DIP2B: variants seen among roughly 807,000 people sequenced by gnomAD.
DIP2B encodes the protein DIP2 acetate--CoA ligase B (putative).
DIP2B carries 76 observed loss-of-function variants against 198.0 expected under a neutral mutation model. The ratio of observed to expected loss-of-function variants is 0.38; its 90% confidence interval spans 0.32 to 0.46. DIP2B has a LOEUF of 0.46. Among genes scored for constraint, DIP2B ranks in the 20% least tolerant of loss-of-function variants. DIP2B has a pLI of 0.99. For missense variants in DIP2B, 1,559 were observed against 1,978.4 expected (o/e 0.79, Z 4.02); for synonymous variants, 701 against 739.1 (o/e 0.95, Z 0.84).
At chr12:50,633,981 A>G (rs746431179) in intron 2 of DIP2B, among the ~76,000 whole-genome samples, 9 of 152,196 alleles carry the variant, frequency 5.9e-5, no homozygotes, top group Non-Finnish European at 1.3e-4. Context: ...TTATAAGATT[A>G]AAGATGAAAA....
At chr12:50,549,168 T>C (rs1265972868) in intron 1 of DIP2B, among the ~76,000 whole-genome samples, 1 of 147,746 alleles carries the variant, frequency 6.8e-6, no homozygotes, top group Non-Finnish European at 1.5e-5. Flanking sequence ...TGGGGGCTGG[T>C]TTAAAAAAAA....
intron 1 of DIP2B, among the ~76,000 whole-genome samples, chr12:50,526,626 CTTTTTTTTTT>C (rs11423846): frequency 2.3e-3 from 147 of 64,196 alleles, no homozygotes; most frequent in African/African-American, 8.7e-3. Flanking sequence ...TTTCCTCTGC[CTTTTTTTTTT>C]TTTTTTTTTT....
intron 1 of DIP2B, among the ~76,000 whole-genome samples, chr12:50,595,960 C>G (rs1201525220): frequency 1.3e-5 from 2 of 152,102 alleles, no homozygotes. Flanking sequence ...TCCAGTAGTT[C>G]CTGGAACATA....
At chr12:50,687,375 A>G (rs1423699433) in intron 12 of DIP2B, among the ~76,000 whole-genome samples, 1 of 152,230 alleles carries the variant, frequency 6.6e-6, no homozygotes. Context: ...GTCTAACTCT[A>G]AAAGCTGTGG....
chr12:50,691,217 C>A, intron 13 of DIP2B, 66 bp downstream of exon 13: 2 of 1,387,746 alleles, frequency 1.4e-6, no homozygotes, highest in Non-Finnish European at 2.0e-6. Context: ...GAGCACAATG[C>A]TCAGTGATTG....
rs1940323384 is a variant in DIP2B, at chr12:50,745,040, G to A, written c.*201G>A. The A allele has an allele frequency of 4.5e-6, 3 of 664,592 alleles. No individual in the cohort carries two copies. The highest frequency in any genetic ancestry group is 7.4e-6 in the Non-Finnish European group (3 of 403,810). The allele number at this position is 664,592 out of a possible 1,614,324, so 41.2% of individuals were successfully genotyped here. Reference sequence around the variant, plus strand: ...GCAAATGAAAAAAATGTTAACATTTGGTAGACATGTGCTTTGACATAGCGT... The same window carrying A: ...GCAAATGAAAAAAATGTTAACATTTAGTAGACATGTGCTTTGACATAGCGT... On this transcript the variant is annotated 3_prime_UTR_variant, in exon 38 of 38. Transcript: ENST00000301180.
At chr12:50,536,867 A>AT (rs11390181) in intron 1 of DIP2B, among the ~76,000 whole-genome samples, 41,376 of 144,120 alleles carry the variant, frequency 0.29, 6,302 homozygotes, top group Non-Finnish European at 0.36. Flanking sequence ...CAATAATTGT[A>AT]TTTTTTTTTT....
rs757158406 is a variant in DIP2B at position 50,714,401 on chromosome 12, G to A, written c.2656G>A (p.Asp886Asn). 2 of 1,614,022 alleles carry A rather than the reference G, an allele frequency of 1.2e-6. No individual in the cohort carries two copies. The highest frequency in any genetic ancestry group is 1.3e-5 in the African/African-American group (1 of 74,916). The change falls in exon 23 of 38, where the codon GAT becomes AAT. Residue 886 changes from aspartate (D) to asparagine (N), a missense_variant. Transcript: ENST00000301180. Reference protein sequence around the residue: ...QWMSRVLQAIDSIHQVGVYCL... With the variant: ...QWMSRVLQAINSIHQVGVYCL... ...TTTGTTTGTATTTTTCTAGGCGATC[G>A]ATAGCATTCATCAAGTGGGGGTTTA... is the stretch of plus-strand genomic sequence containing the variant.
chr12:50,550,893 G>A (rs908859735), intron 1 of DIP2B, among the ~76,000 whole-genome samples: 12 of 152,140 alleles, frequency 7.9e-5, no homozygotes, highest in African/African-American at 2.4e-4. Context: ...GGAGGCCGAG[G>A]TGGGTGAATT....
At chr12:50,699,028 GA>G in intron 18 of DIP2B, 37 bp from the exon 19 acceptor site, 1 of 1,599,914 alleles carries the variant, frequency 6.3e-7, no homozygotes, top group Non-Finnish European at 8.5e-7. Flanking sequence ...AAGTTTTCTA[GA>G]ATCTTTGTCC....
intron 1 of DIP2B, among the ~76,000 whole-genome samples, chr12:50,564,507 C>T (rs933084000): frequency 5.3e-5 from 8 of 152,106 alleles, no homozygotes; most frequent in African/African-American, 9.7e-5. Context: ...TAATTGTTGT[C>T]TATCTGATGG....
intron 1 of DIP2B, among the ~76,000 whole-genome samples, chr12:50,620,223 C>T (rs1937783742): frequency 6.6e-6 from 1 of 152,200 alleles, no homozygotes; most frequent in South Asian, 2.1e-4. Flanking sequence ...CTCCCTACCA[C>T]CTTGTGGCTT....
intron 9 of DIP2B, among the ~76,000 whole-genome samples, chr12:50,682,348 G>A (rs891257301): frequency 2.0e-5 from 3 of 152,166 alleles, no homozygotes; most frequent in Non-Finnish European, 2.9e-5. Context: ...AAAACTGGCC[G>A]GGTGGGGTGG....
chr12:50,672,626 T>C (rs1437991212), intron 5 of DIP2B, among the ~76,000 whole-genome samples: 2 of 152,228 alleles, frequency 1.3e-5, no homozygotes, highest in East Asian at 3.8e-4. Flanking sequence ...ACAGAAACCA[T>C]TTTATCCACA....
At chr12:50,713,314 T>A (rs1939653559) in intron 22 of DIP2B, among the ~76,000 whole-genome samples, 1 of 152,226 alleles carries the variant, frequency 6.6e-6, no homozygotes, top group Non-Finnish European at 1.5e-5. Context: ...ATGGGTATCT[T>A]CACTTTTAGG....
intron 19 of DIP2B, among the ~76,000 whole-genome samples, chr12:50,703,007 T>C (rs1239162955): frequency 6.6e-6 from 1 of 152,084 alleles, no homozygotes; most frequent in African/African-American, 2.4e-5. Context: ...AGGAGAATTG[T>C]TTGAGGTTAG....
intron 1 of DIP2B, among the ~76,000 whole-genome samples, chr12:50,529,631 A>G (rs1292640704): frequency 6.6e-6 from 1 of 152,186 alleles, no homozygotes; most frequent in Non-Finnish European, 1.5e-5. Context: ...AGAATCTTAC[A>G]TTTTATCCTG....
intron 1 of DIP2B, among the ~76,000 whole-genome samples, chr12:50,601,438 A>G (rs1475996389): frequency 6.6e-6 from 1 of 151,498 alleles, no homozygotes; most frequent in Non-Finnish European, 1.5e-5. Flanking sequence ...TCCGCCTCCC[A>G]GGTTCACGCC....
intron 23 of DIP2B, 103 bp downstream of exon 23, chr12:50,714,699 G>C: frequency 7.1e-7 from 1 of 1,411,190 alleles, no homozygotes; most frequent in Non-Finnish European, 9.7e-7. Context: ...AAAGACTTTG[G>C]GAGGCCAAGG....
Sources: allele counts gnomAD v4.1 joint callset (sites outside exome capture counted in the v4.1 genomes callset), GRCh38; gene constraint gnomAD v4.1.1; transcripts MANE v1.5; gene names NCBI Gene and HGNC (gene_info 2026-07-23, HGNC 2026-07-21).